The following CCDC88C variants were observed in gnomAD, a reference collection of about 807,000 sequenced individuals.
CCDC88C encodes the protein protein Daple.
Under a neutral mutation model 198.8 loss-of-function variants are expected in CCDC88C, and 131 were observed. That is an observed-to-expected ratio of 0.66 (90% CI 0.57 to 0.76). The LOEUF (loss-of-function observed/expected upper bound fraction) is 0.76, where lower values mean the gene tolerates loss of function less well. Ranked by LOEUF, CCDC88C falls within the 30% of genes least tolerant of loss-of-function variation. The probability of loss-of-function intolerance (pLI) is 0.00; values close to 1 mark genes in which losing one functional copy is unlikely to be tolerated. For missense variants in CCDC88C, 2,553 were observed against 2,631.6 expected, an observed-to-expected ratio of 0.97 and a Z score of 0.65; for synonymous variants, 1,166 against 1,114.7, an observed-to-expected ratio of 1.05 and a Z score of -0.92.
intron 25 of CCDC88C, 87 bp downstream of exon 25, chr14:91,289,018 C>G: frequency 2.7e-6 from 3 of 1,091,820 alleles, no homozygotes; most frequent in South Asian, 2.6e-5. Context: ...CTGGCACGTT[C>G]CTGCACACGT....
At chr14:91,276,071 C>T (rs1294347802) in intron 29 of CCDC88C, among the ~76,000 whole-genome samples, 2 of 152,098 alleles carry the variant, frequency 1.3e-5, no homozygotes, top group Non-Finnish European at 2.9e-5. Flanking sequence ...CCGCCCGTCT[C>T]GGCCTCCCGA....
intron 3 of CCDC88C, among the ~76,000 whole-genome samples, chr14:91,391,257 C>CA (rs144036813): frequency 0.017 from 2,452 of 141,984 alleles, 28 homozygotes; most frequent in African/African-American, 0.036. Flanking sequence ...CAAAACAAAA[C>CA]AAAAAAAAAA....
At chr14:91,386,074 T>C (rs996328328) in intron 3 of CCDC88C, among the ~76,000 whole-genome samples, 2 of 152,054 alleles carry the variant, frequency 1.3e-5, no homozygotes, top group African/African-American at 4.8e-5. Flanking sequence ...GGGACAATAC[T>C]TCCTGAACCA....
At chr14:91,343,482 C>T in intron 5 of CCDC88C, 117 bp downstream of exon 5, 2 of 1,492,312 alleles carry the variant, frequency 1.3e-6, no homozygotes, top group Non-Finnish European at 1.8e-6. Context: ...GGCCTTCTGT[C>T]ATATTGGACT....
At position 91,339,237 on chromosome 14, in the gene CCDC88C, T is replaced by C. The variant is rs1347711128; in HGVS notation, c.809+41A>G. 6.2e-7 allele frequency: 1 copy of C among 1,606,520 alleles called. No homozygotes were observed. The highest frequency in any genetic ancestry group is 8.5e-7 in the Non-Finnish European group (1 of 1,176,806). On this transcript the variant is annotated intron_variant, in intron 8 of 29. Coordinates refer to ENST00000389857, the MANE Select transcript of CCDC88C (RefSeq NM_001080414.4). The surrounding 1 kb of genome is among the most constrained non-coding windows in gnomAD (Gnocchi z 5.8). ...GTCGACACCACACCAGAAACATGTC[T>C]GCAACACACACAAAGGTAGGAGAAG...
intron 3 of CCDC88C, among the ~76,000 whole-genome samples, chr14:91,389,209 A>G (rs930102808): frequency 2.0e-5 from 3 of 152,142 alleles, no homozygotes; most frequent in African/African-American, 4.8e-5. Flanking sequence ...CAAACCAGGG[A>G]GGGACAGGTA....
chr14:91,341,471 G>T (rs1456939115), intron 6 of CCDC88C, among the ~76,000 whole-genome samples: 1 of 152,258 alleles, frequency 6.6e-6, no homozygotes, highest in Non-Finnish European at 1.5e-5. Context: ...GCCCCAGCCA[G>T]CTGTGGAAGC....
Position 91,293,381 on chromosome 14 carries a change from CTCGCCT to C in CCDC88C, c.4112+786_4112+791del, listed in dbSNP as rs1314714169. On this transcript the variant is annotated intron_variant, in intron 23 of 29. Coordinates refer to ENST00000389857, the MANE Select transcript of CCDC88C (RefSeq NM_001080414.4). ...CTGCCACGGCCCACCTTCCTGCCCCCTCGCCTGCCACAGCCCACCTTCCTGCCCCCT... is the reference window on the plus strand; with the variant it reads ...CTGCCACGGCCCACCTTCCTGCCCCCGCCACAGCCCACCTTCCTGCCCCCT... Among the ~76,000 whole-genome samples, 7 of 82,514 alleles carry C rather than the reference CTCGCCT, an allele frequency of 8.5e-5. 1 individual carries two copies. Among genetic ancestry groups the C allele is most frequent in the South Asian group, 4.7e-4 (1 of 2,128 alleles). 54.1% of individuals were successfully genotyped at this position (82,514 alleles called of 152,430 possible).
intron 3 of CCDC88C, among the ~76,000 whole-genome samples, chr14:91,386,309 A>C (rs2139966061): frequency 6.6e-6 from 1 of 150,750 alleles, no homozygotes; most frequent in South Asian, 2.1e-4. Context: ...AAAAAACAAA[A>C]ACCTAGCTGG....
intron 10 of CCDC88C, among the ~76,000 whole-genome samples, chr14:91,333,803 T>A (rs1368011876): frequency 6.6e-6 from 1 of 152,242 alleles, no homozygotes; most frequent in Admixed American, 6.5e-5. Flanking sequence ...AACCCTCAGC[T>A]GATCCTGATA....
chr14:91,303,998 C>G lies in CCDC88C; in HGVS notation c.3358-20G>C, dbSNP rs780760829. 3.1e-6 allele frequency: 5 copies of G among 1,590,642 alleles called. No homozygotes were observed. The East Asian group carries it at 1.1e-4, about 36-fold the overall frequency. ...CTCCACCTGCCGAGAGGGAGAAGCGCGGCGTGGCGCAGGCCCCACAGTCAG... is the reference window on the plus strand; with the variant it reads ...CTCCACCTGCCGAGAGGGAGAAGCGGGGCGTGGCGCAGGCCCCACAGTCAG... On this transcript the variant is annotated intron_variant, in intron 19 of 29. Transcript: ENST00000389857.
chr14:91,310,017 G>A, intron 15 of CCDC88C, 31 bp from the exon 16 acceptor site: 1 of 1,546,574 alleles, frequency 6.5e-7, no homozygotes, highest in Non-Finnish European at 8.8e-7. Flanking sequence ...CACTGGATAG[G>A]AGCTCAGCAA....
At chr14:91,328,323 C>T (rs1567079139) in intron 10 of CCDC88C, among the ~76,000 whole-genome samples, 2 of 152,186 alleles carry the variant, frequency 1.3e-5, no homozygotes, top group Non-Finnish European at 2.9e-5. Context: ...TGCACCACCA[C>T]CTCTGAAATG....
In CCDC88C at chr14:91,339,315, C is replaced by T. The variant is rs770482247; in HGVS notation, c.772G>A (p.Asp258Asn). 5.6e-6 allele frequency: 9 copies of T among 1,613,428 alleles called. No homozygotes were observed. Among genetic ancestry groups the T allele is most frequent in the East Asian group, 2.2e-5 (1 of 44,892 alleles). Residue 258 changes from aspartate (D) to asparagine (N), a missense_variant, in exon 8 of 30, where the codon GAC (aspartate) becomes AAC (asparagine). This residue lies in a region of CCDC88C where 1,260 missense variants were observed against 1,412.0 expected (regional missense o/e 0.89). Coordinates refer to ENST00000389857, the MANE Select transcript of CCDC88C (RefSeq NM_001080414.4). This position sits in a 1 kb window ranked among gnomAD's most constrained non-coding sequence, Gnocchi z 5.8. ...ACGCGCCGCAGCCTGGCCTTGGTGTCGGCCAGCTCTACGGCCAGGTGCTGC... is the reference window on the plus strand; with the variant it reads ...ACGCGCCGCAGCCTGGCCTTGGTGTTGGCCAGCTCTACGGCCAGGTGCTGC... ...DKQHLAVELA[D>N]TKARLRRVRQ...
intron 3 of CCDC88C, among the ~76,000 whole-genome samples, chr14:91,396,673 GA>G (rs2139992183): frequency 6.6e-6 from 1 of 152,238 alleles, no homozygotes; most frequent in Admixed American, 6.5e-5. Context: ...CCGATCAGGG[GA>G]TCACTCAGCT....
Position 91,288,973 on chromosome 14 carries a change from C to T in CCDC88C, c.4441+132G>A. The T allele has an allele frequency of 1.5e-6, 1 of 688,916 alleles. No individual in the cohort carries two copies. Among genetic ancestry groups the T allele is most frequent in the Non-Finnish European group, 2.6e-6 (1 of 390,354 alleles). 42.7% of individuals were successfully genotyped at this position (688,916 alleles called of 1,614,324 possible). The stretch of plus-strand genomic sequence containing the variant: ...CTGAATTTCTACTTGGCTCGTAACA[C>T]ATCTAAGCGAAGGCGCACATGCAGT... On this transcript the variant is annotated intron_variant, in intron 25 of 29. Coordinates refer to ENST00000389857, the MANE Select transcript of CCDC88C (RefSeq NM_001080414.4). The surrounding 1 kb of genome is among the most constrained non-coding windows in gnomAD (Gnocchi z 4.2).
At chr14:91,417,372 G>T (rs1047789375) in intron 1 of CCDC88C, 1 of 589,682 alleles carries the variant, frequency 1.7e-6, no homozygotes, top group Non-Finnish European at 3.0e-6. Flanking sequence ...AGCGGGAACA[G>T]GTGTACCCGC....
chr14:91,371,752 G>A lies in CCDC88C; in HGVS notation c.271-12041C>T, dbSNP rs1368600039. ...ACAGTGTCCCATGTCCCACTCCACC[G>A]CTCACCCACCCAGGCCCACAGGCAC... is the stretch of plus-strand genomic sequence containing the variant. On this transcript the variant is annotated intron_variant, in intron 3 of 29. Coordinates refer to ENST00000389857, the MANE Select transcript of CCDC88C (RefSeq NM_001080414.4). The surrounding 1 kb of genome is among the most constrained non-coding windows in gnomAD (Gnocchi z 4.2). Among the ~76,000 whole-genome samples the A allele has an allele frequency of 4.6e-5, 7 of 152,124 alleles. No homozygotes were observed. The highest frequency in any genetic ancestry group is 4.4e-5 in the Non-Finnish European group (3 of 67,992).
rs757691423 is a variant in CCDC88C, at chr14:91,313,607, T to C, written c.2209A>G (p.Lys737Glu). ...ERENQQLERE[K>E]EELRKNVDLL... Reference sequence around the variant, plus strand: ...TCCACGTTCTTCCTCAGCTCCTCCTTCTCACGCTCCAGCTGCTGGTTCTCC... The same window carrying C: ...TCCACGTTCTTCCTCAGCTCCTCCTCCTCACGCTCCAGCTGCTGGTTCTCC... Residue 737 changes from lysine (K) to glutamate (E), a missense_variant, in exon 15 of 30, where the codon AAG becomes GAG. Lys to Glu is a moderately conservative substitution (Grantham distance 56, BLOSUM62 1). This residue lies in a region of CCDC88C where 1,260 missense variants were observed against 1,412.0 expected (regional missense o/e 0.89). Coordinates refer to ENST00000389857, the MANE Select transcript of CCDC88C (RefSeq NM_001080414.4). This position sits in a 1 kb window ranked among gnomAD's most constrained non-coding sequence, Gnocchi z 5.2. 11 of 1,612,570 alleles carry C rather than the reference T, an allele frequency of 6.8e-6. No individual in the cohort carries two copies. Among genetic ancestry groups the C allele is most frequent in the African/African-American group, 4.0e-5 (3 of 74,914 alleles).
Sources: allele counts gnomAD v4.1 joint callset (sites outside exome capture counted in the v4.1 genomes callset), GRCh38; gene constraint gnomAD v4.1.1; regional missense constraint gnomAD v4.1.1; non-coding constraint Gnocchi (gnomAD v3.1); transcripts MANE v1.5; gene names NCBI Gene and HGNC (gene_info 2026-07-23, HGNC 2026-07-21).